The following GPC5 variants were observed in gnomAD, a reference collection of about 807,000 sequenced individuals.
GPC5 encodes the protein glypican-5.
Under a neutral mutation model 53.9 loss-of-function variants are expected in GPC5, and 47 were observed. The ratio of observed to expected loss-of-function variants is 0.87; its 90% CI spans 0.69 to 1.11. The LOEUF (loss-of-function observed/expected upper bound fraction) is 1.11, where lower values mean the gene tolerates loss of function less well. Ranked by LOEUF, GPC5 falls within the 50% of genes most tolerant of loss-of-function variation. The probability of loss-of-function intolerance (pLI) is 0.00; values close to 1 mark genes in which losing one functional copy is unlikely to be tolerated. For missense variants in GPC5, 748 were observed against 713.1 expected (o/e 1.05, Z -0.56); for synonymous variants, 286 against 263.3 (o/e 1.09, Z -0.84).
chr13:92,043,657 A>G (rs2138827668), intron 6 of GPC5, among the ~76,000 whole-genome samples: 1 of 152,320 alleles, frequency 6.6e-6, no homozygotes, highest in East Asian at 1.9e-4. Context: ...TGGTCGTGAC[A>G]AGATCTGGGG....
chr13:92,359,520 A>G (rs1251047601), intron 7 of GPC5, among the ~76,000 whole-genome samples: 1 of 151,654 alleles, frequency 6.6e-6, no homozygotes, highest in African/African-American at 2.4e-5. Context: ...CCCCACTCCC[A>G]GTACCAATGT....
intron 2 of GPC5, among the ~76,000 whole-genome samples, chr13:91,602,525 C>A (rs1206832347): frequency 6.6e-6 from 1 of 152,070 alleles, no homozygotes; most frequent in Non-Finnish European, 1.5e-5. Flanking sequence ...AACCACTGCA[C>A]CAAAAAATAT....
At chr13:92,288,572 A>G (rs1056280302) in intron 7 of GPC5, among the ~76,000 whole-genome samples, 5 of 152,284 alleles carry the variant, frequency 3.3e-5, no homozygotes, top group African/African-American at 7.2e-5. Context: ...ACCAGCCTCT[A>G]TCTTAATCAG....
At position 91,500,212 on chromosome 13, in the gene GPC5, A is replaced by G. The variant is rs368408226; in HGVS notation, c.325+51290A>G. Among the ~76,000 whole-genome samples, 115 of 152,314 alleles carry G rather than the reference A, an allele frequency of 7.6e-4. 1 individual carries two copies. In the South Asian group the frequency reaches 0.021, roughly 27 times the overall value. ...GCCATTAGAATACAAATCCTTGAGG[A>G]TAGGGACTTTTCTTCACTACCATGT... On this transcript the variant is annotated intron_variant, in intron 2 of 7. Transcript: ENST00000377067.
chr13:92,508,868 G>A (rs1427326023), intron 7 of GPC5, among the ~76,000 whole-genome samples: 4 of 152,066 alleles, frequency 2.6e-5, no homozygotes, highest in African/African-American at 9.7e-5. Flanking sequence ...ATCAGAAGAC[G>A]GTTTTGAAAG....
At chr13:92,817,760 A>C (rs1446893523) in intron 7 of GPC5, among the ~76,000 whole-genome samples, 1 of 152,020 alleles carries the variant, frequency 6.6e-6, no homozygotes, top group Non-Finnish European at 1.5e-5. Flanking sequence ...AATTGACTCC[A>C]AGAAACAAAC....
intron 2 of GPC5, among the ~76,000 whole-genome samples, chr13:91,599,573 TA>T (rs1313861794): frequency 1.3e-5 from 2 of 152,000 alleles, no homozygotes; most frequent in South Asian, 2.1e-4. Context: ...ATACTATAAT[TA>T]AAAAAATATA....
intron 7 of GPC5, among the ~76,000 whole-genome samples, chr13:92,159,556 A>G (rs1447344558): frequency 6.8e-6 from 1 of 147,692 alleles, no homozygotes; most frequent in African/African-American, 2.5e-5. Context: ...CTTAAAAACT[A>G]GAATTGCTGC....
chr13:92,385,802 CGT>C lies in GPC5; in HGVS notation c.1561+240814_1561+240815del, dbSNP rs1566568374. 2.6e-4 allele frequency among the ~76,000 whole-genome samples: 21 copies of C among 79,786 alleles called. 1 individual carries two copies. The East Asian group carries it at 3.1e-3, about 12-fold the overall frequency. The allele number at this position is 79,786 out of a possible 152,430, so 52.3% of individuals were successfully genotyped here. A position where few individuals can be genotyped will look rare whatever the true frequency, so the allele number is the denominator to read the frequency against. ...ATATATGTATATATATACATATATA[CGT>C]ATATATATACACGTGTATATATATA... On this transcript the variant is annotated intron_variant, in intron 7 of 7. Transcript: ENST00000377067.
intron 6 of GPC5, among the ~76,000 whole-genome samples, chr13:92,138,536 A>C (rs1226477087): frequency 6.7e-6 from 1 of 148,292 alleles, no homozygotes; most frequent in African/African-American, 2.4e-5. Flanking sequence ...ATAAAAAATA[A>C]AAAATAAAAA....
intron 2 of GPC5, among the ~76,000 whole-genome samples, chr13:91,633,263 T>G (rs1266667698): frequency 6.6e-6 from 1 of 152,108 alleles, no homozygotes; most frequent in East Asian, 1.9e-4. Flanking sequence ...CCAGTATACA[T>G]CCTCTGGACA....
At chr13:92,145,967 A>G (rs534369084) in intron 7 of GPC5, among the ~76,000 whole-genome samples, 3 of 152,256 alleles carry the variant, frequency 2.0e-5, no homozygotes, top group African/African-American at 7.2e-5. Context: ...TCAATTCCTC[A>G]TTCCTTCTAA....
At chr13:91,876,317 T>C (rs4403912) in intron 5 of GPC5, among the ~76,000 whole-genome samples, 93,653 of 152,100 alleles carry the variant, frequency 0.62, 29,615 homozygotes, top group East Asian at 0.96. Context: ...TAGAACAGTT[T>C]GAAGGGCTCA....
chr13:91,512,301 G>A (rs1207990803), intron 2 of GPC5, among the ~76,000 whole-genome samples: 2 of 152,156 alleles, frequency 1.3e-5, no homozygotes, highest in Non-Finnish European at 2.9e-5. Flanking sequence ...TGTCCTTCCC[G>A]TAGCTTTCTG....
chr13:91,572,510 A>C (rs2031969365), intron 2 of GPC5, among the ~76,000 whole-genome samples: 1 of 151,996 alleles, frequency 6.6e-6, no homozygotes, highest in Non-Finnish European at 1.5e-5. Context: ...CTGACAGCAA[A>C]GGGGGAGCCA....
chr13:92,278,623 G>C (rs1189034623), intron 7 of GPC5, among the ~76,000 whole-genome samples: 1 of 151,988 alleles, frequency 6.6e-6, no homozygotes. Context: ...TGATCATGAA[G>C]ATTTACCCTG....
chr13:91,424,174 C>CTGA (rs1878840153), intron 1 of GPC5, among the ~76,000 whole-genome samples: 1 of 152,028 alleles, frequency 6.6e-6, no homozygotes, highest in Non-Finnish European at 1.5e-5. Context: ...AGGATAGGAC[C>CTGA]TCATAGTAAC....
At chr13:92,104,067 G>C (rs2041488072) in intron 6 of GPC5, among the ~76,000 whole-genome samples, 2 of 152,156 alleles carry the variant, frequency 1.3e-5, no homozygotes. Flanking sequence ...TATTTGCATT[G>C]AGAGAGCTAT....
intron 2 of GPC5, among the ~76,000 whole-genome samples, chr13:91,646,083 A>G (rs1039966907): frequency 2.0e-4 from 30 of 152,208 alleles, no homozygotes; most frequent in Admixed American, 5.9e-4. Flanking sequence ...AAACATACGT[A>G]TATGAAAGAG....
Sources: allele counts gnomAD v4.1 joint callset (sites outside exome capture counted in the v4.1 genomes callset), GRCh38; gene constraint gnomAD v4.1.1; transcripts MANE v1.5; gene names NCBI Gene and HGNC (gene_info 2026-07-23, HGNC 2026-07-21).